CDH4: variants seen among roughly 807,000 people sequenced by gnomAD.
CDH4 encodes cadherin 4, also known as cadherin-4.
In CDH4, 33 loss-of-function variants were observed where a neutral mutation model predicts 86.0. That is an observed-to-expected ratio of 0.38 (90% CI 0.29 to 0.51). The LOEUF (loss-of-function observed/expected upper bound fraction) is 0.51. Ranked by LOEUF, CDH4 falls within the 20% of genes least tolerant of loss-of-function variation. CDH4 has a pLI of 0.86. For missense variants in CDH4, 1,114 were observed against 1,307.4 expected (o/e 0.85, Z 2.28); for synonymous variants, 555 against 549.4 (o/e 1.01, Z -0.14).
intron 2 of CDH4, among the ~76,000 whole-genome samples, chr20:61,578,897 A>G (rs1222685478): frequency 2.0e-5 from 3 of 152,132 alleles, no homozygotes; most frequent in Non-Finnish European, 2.9e-5. Flanking sequence ...ACCCTGCCCC[A>G]TCCAAGGGAA....
chr20:61,614,739 G>A (rs967517103), intron 2 of CDH4, among the ~76,000 whole-genome samples: 1 of 152,110 alleles, frequency 6.6e-6, no homozygotes, highest in African/African-American at 2.4e-5. Flanking sequence ...TTTGTAGGTG[G>A]CCAGAGCTAA....
At position 61,399,119 on chromosome 20, in the gene CDH4, CTTTTTTTTTT is replaced by C. The variant is rs926368033; in HGVS notation, c.169+144197_169+144206del. 1.7e-3 allele frequency among the ~76,000 whole-genome samples: 132 copies of C among 77,034 alleles called. 42 individuals are homozygous for C. The highest frequency in any genetic ancestry group is 8.3e-3 in the African/African-American group (129 of 15,630). The allele number at this position is 77,034 out of a possible 152,430, so 50.5% of individuals were successfully genotyped here. Reference sequence around the variant, plus strand: ...CAATTGTTTCAGGAGGAAAAACCCACTTTTTTTTTTTTTTTTTTTTTTTTGAGACGGAGTC... The same window carrying C: ...CAATTGTTTCAGGAGGAAAAACCCACTTTTTTTTTTTTTTGAGACGGAGTC... On this transcript the variant is annotated intron_variant, in intron 2 of 15. Coordinates refer to ENST00000614565, the MANE Select transcript of CDH4 (RefSeq NM_001794.5).
chr20:61,353,915 C>A (rs757181555), intron 2 of CDH4, among the ~76,000 whole-genome samples: 11 of 151,506 alleles, frequency 7.3e-5, no homozygotes, highest in Non-Finnish European at 1.5e-4. Context: ...GATTTTTCAC[C>A]CCAGCAGCCC....
chr20:61,792,538 A>T (rs1979257823), intron 4 of CDH4, among the ~76,000 whole-genome samples: 1 of 152,214 alleles, frequency 6.6e-6, no homozygotes, highest in Non-Finnish European at 1.5e-5. Context: ...AGGAAATCAA[A>T]TAAGGCCATT....
In CDH4 at chr20:61,377,541, C is replaced by G. The variant is rs1340380849; in HGVS notation, c.169+122604C>G. Reference sequence around the variant, plus strand: ...TGTGGTTACGGTGACCTTCAAATGTCCTTGTTAAATGAAACAAAACCATTG... The same window carrying G: ...TGTGGTTACGGTGACCTTCAAATGTGCTTGTTAAATGAAACAAAACCATTG... On this transcript the variant is annotated intron_variant, in intron 2 of 15. Transcript: ENST00000614565. This position sits in a 1 kb window ranked among gnomAD's most constrained non-coding sequence, Gnocchi z 4.0. Among the ~76,000 whole-genome samples, 2 of 152,324 alleles carry G rather than the reference C, an allele frequency of 1.3e-5. No homozygotes were observed. Among genetic ancestry groups the G allele is most frequent in the East Asian group, 3.9e-4 (2 of 5,180 alleles).
chr20:61,796,448 A>G (rs1282976137), intron 4 of CDH4, among the ~76,000 whole-genome samples: 2 of 152,106 alleles, frequency 1.3e-5, no homozygotes, highest in Non-Finnish European at 2.9e-5. Context: ...CCCGCGTCCT[A>G]CAGCCTCACT....
intron 2 of CDH4, among the ~76,000 whole-genome samples, chr20:61,458,232 C>T (rs1568852242): frequency 7.2e-6 from 1 of 138,602 alleles, no homozygotes; most frequent in Non-Finnish European, 1.5e-5. Context: ...ATGGTGGTGG[C>T]AGTGATGGTT....
intron 2 of CDH4, among the ~76,000 whole-genome samples, chr20:61,559,519 C>CTTTTTTTTTTTTTTTTTTTTTTTTT (rs1156864328): frequency 9.5e-6 from 1 of 105,176 alleles, no homozygotes; most frequent in African/African-American, 4.2e-5. Flanking sequence ...ATTTTTTTTT[C>CTTTTTTTTTTTTTTTTTTTTTTTTT]TTTTTTTTTT....
chr20:61,496,956 A>ATTTTTTTTTTT (rs59603072), intron 2 of CDH4, among the ~76,000 whole-genome samples: 1 of 108,590 alleles, frequency 9.2e-6, no homozygotes, highest in African/African-American at 3.2e-5. Context: ...TTGGGGATTG[A>ATTTTTTTTTTT]TTTTTTTTTT....
intron 2 of CDH4, among the ~76,000 whole-genome samples, chr20:61,368,620 G>C (rs1238728848): frequency 6.6e-6 from 1 of 151,946 alleles, no homozygotes; most frequent in Non-Finnish European, 1.5e-5. Context: ...GGGTTCAAGT[G>C]ATTCTCCTGC....
intron 2 of CDH4, among the ~76,000 whole-genome samples, chr20:61,346,214 A>T (rs2123291036): frequency 6.6e-6 from 1 of 152,240 alleles, no homozygotes; most frequent in East Asian, 1.9e-4. Context: ...TGGAAGAGGG[A>T]ACAGCAGAGG....
chr20:61,737,142 C>A (rs6121463), intron 2 of CDH4, among the ~76,000 whole-genome samples: 1 of 152,162 alleles, frequency 6.6e-6, no homozygotes, highest in Non-Finnish European at 1.5e-5. Context: ...GCCCTGGGGG[C>A]TGAGCCCTGC....
intron 2 of CDH4, among the ~76,000 whole-genome samples, chr20:61,334,755 C>G (rs1448132266): frequency 6.6e-6 from 1 of 152,212 alleles, no homozygotes; most frequent in Non-Finnish European, 1.5e-5. Flanking sequence ...GTCTGTAGCC[C>G]TCGCCTCCTG....
At position 61,283,474 on chromosome 20, in the gene CDH4, CTGTGG is replaced by C. The variant is rs752104579; in HGVS notation, c.169+28542_169+28546del. Among the ~76,000 whole-genome samples the C allele has an allele frequency of 9.8e-3, 767 of 78,494 alleles. 154 individuals carry two copies. The highest frequency in any genetic ancestry group is 0.028 in the Middle Eastern group (3 of 106). 51.5% of individuals were successfully genotyped at this position (78,494 alleles called of 152,430 possible). ...ATGTGTGTGCGTTTGCACGCGTGTGCTGTGGTGTGTGATGTAGGTGCATTTGCACG... is the reference window on the plus strand; with the variant it reads ...ATGTGTGTGCGTTTGCACGCGTGTGCTGTGTGATGTAGGTGCATTTGCACG... On this transcript the variant is annotated intron_variant, in intron 2 of 15. Coordinates refer to ENST00000614565, the MANE Select transcript of CDH4 (RefSeq NM_001794.5).
In CDH4 at chr20:61,611,940, C is replaced by T. The variant is rs558960760; in HGVS notation, c.170-131623C>T. ...AAACTTCTTGTTGTGTGGGGGGATA[C>T]GGGCGAGTCACCTTCTGTGTCACCA... On this transcript the variant is annotated intron_variant, in intron 2 of 15. Transcript: ENST00000614565. Among the ~76,000 whole-genome samples the T allele has an allele frequency of 4.5e-4, 69 of 152,218 alleles. 1 individual carries two copies. The highest frequency in any genetic ancestry group is 1.4e-3 in the African/African-American group (59 of 41,500).
chr20:61,425,173 G>A (rs551768920), intron 2 of CDH4, among the ~76,000 whole-genome samples: 1 of 152,356 alleles, frequency 6.6e-6, no homozygotes, highest in African/African-American at 2.4e-5. Context: ...GCCCCATGGT[G>A]CAGAGCTGCC....
Position 61,844,709 on chromosome 20 carries a change from C to T in CDH4, c.618C>T (p.Ser206=), listed in dbSNP as rs1227623407. 5.6e-6 allele frequency: 9 copies of T among 1,613,862 alleles called. No individual in the cohort carries two copies. Among genetic ancestry groups the T allele is most frequent in the Non-Finnish European group, 7.6e-6 (9 of 1,179,896 alleles). The change falls in exon 5 of 16, where the codon AGC becomes AGT. Residue 206 remains serine (S), a synonymous_variant. Coordinates refer to ENST00000614565, the MANE Select transcript of CDH4 (RefSeq NM_001794.5). ...ACAATGACATCCCCATCCGGTACAG[C>T]ATCACGGGAGTGGGCGCCGACCAGC... The part of the protein sequence containing the change: ...DKDNDIPIRY[S]ITGVGADQPP...
chr20:61,718,780 C>A (rs2145909192), intron 2 of CDH4: 1 of 471,130 alleles, frequency 2.1e-6, no homozygotes, highest in African/African-American at 2.0e-5. Context: ...TGCACACACA[C>A]ACTCTCACCA....
rs541849212 is a variant in CDH4 at position 61,512,203 on chromosome 20, G to A, written c.170-231360G>A. On this transcript the variant is annotated intron_variant, in intron 2 of 15. Coordinates refer to ENST00000614565, the MANE Select transcript of CDH4 (RefSeq NM_001794.5). ...GTGGTTTGGTCCATGGATCCTGAAC[G>A]CTCTCTAATCAAGGCTGTGTGGGCA... Among the ~76,000 whole-genome samples the A allele has an allele frequency of 5.6e-4, 85 of 152,186 alleles. No homozygotes were observed. In the Middle Eastern group the frequency reaches 0.01, roughly 18 times the overall value.
Sources: gnomAD v4.1 joint callset for allele counts (sites outside exome capture counted in the v4.1 genomes callset) on GRCh38, gnomAD v4.1.1 for gene constraint, Gnocchi (gnomAD v3.1) non-coding constraint, MANE v1.5 for transcripts, NCBI Gene and HGNC (gene_info 2026-07-23, HGNC 2026-07-21) for gene names.